Variants in NIN observed in about 807,000 individuals in gnomAD.
NIN encodes the protein ninein.
NIN carries 137 observed loss-of-function variants against 257.6 expected under a neutral mutation model. The observed-to-expected ratio is 0.53, with a 90% CI of 0.46 to 0.61. NIN has a LOEUF of 0.61. Among genes scored for constraint, NIN ranks in the 20% least tolerant of loss-of-function variants. NIN has a pLI of 0.00. For missense variants in NIN, 2,439 were observed against 2,501.2 expected, an observed-to-expected ratio of 0.98 and a Z score of 0.53; for synonymous variants, 918 against 919.8, an observed-to-expected ratio of 1.00 and a Z score of 0.04.
chr14:50,769,596 G>T (rs537840410), intron 12 of NIN, among the ~76,000 whole-genome samples: 1 of 152,202 alleles, frequency 6.6e-6, no homozygotes, highest in East Asian at 1.9e-4. Flanking sequence ...TGCCTCCCAG[G>T]TTCAAGCAAT....
chr14:50,729,481 A>T (rs774256126), intron 29 of NIN, 42 bp downstream of exon 29: 49 of 1,561,200 alleles, frequency 3.1e-5, no homozygotes, highest in Non-Finnish European at 4.2e-5. Flanking sequence ...ATAAACAGGT[A>T]AAATTAACAG....
In NIN at chr14:50,756,686, C is replaced by A; in HGVS notation, c.4344G>T (p.Gln1448His). 1.9e-6 allele frequency: 3 copies of A among 1,551,738 alleles called. No homozygotes were observed. The highest frequency in any genetic ancestry group is 2.6e-6 in the Non-Finnish European group (3 of 1,147,022). ...LGFQDKHFQH[Q>H]ATIAELELEK... ...CCAGTTCTAACTCTGCTATGGTGGC[C>A]TGATGCTGAAAATGTTTGTCTTGAA... is the stretch of plus-strand genomic sequence containing the variant. The change falls in exon 18 of 31, where the codon CAG becomes CAT. Residue 1448 changes from glutamine to histidine, a missense_variant. Physicochemically the swap from Gln to His is conservative, Grantham distance 24. Transcript: ENST00000530997.
rs2042085514 is a variant in NIN at position 50,757,543 on chromosome 14, CA to C, written c.3486del (p.Val1163PhefsTer8). The C allele has an allele frequency of 3.1e-6, 5 of 1,613,998 alleles. No individual in the cohort carries two copies. Among genetic ancestry groups the C allele is most frequent in the Non-Finnish European group, 4.2e-6 (5 of 1,180,034 alleles). ...VRDLGSTGTS[S>X]VQRQEVKIEE... is the part of the protein sequence containing the mutation. ...TCTATTTTGACTTCCTGTCTCTGAACAGAGCTCGTCCCTGTACTTCCCAGGT... is the reference window on the plus strand; with the variant it reads ...TCTATTTTGACTTCCTGTCTCTGAACGAGCTCGTCCCTGTACTTCCCAGGT... On this transcript the variant is annotated frameshift_variant, in exon 18 of 31. Coordinates refer to ENST00000530997, the MANE Select transcript of NIN (RefSeq NM_020921.4). LOFTEE classifies it high-confidence loss of function.
Position 50,739,498 on chromosome 14 carries a change from T to C in NIN, c.5449-11A>G, listed in dbSNP as rs374567937. On this transcript the variant is annotated splice_polypyrimidine_tract_variant and intron_variant, in intron 25 of 30. Transcript: ENST00000530997. ...CTCTGGGGCCCAGCTCTTAAGAGAATTGCAGAGTGTAAGCCTTAAAAACAA... is the reference window on the plus strand; with the variant it reads ...CTCTGGGGCCCAGCTCTTAAGAGAACTGCAGAGTGTAAGCCTTAAAAACAA... 4 of 1,613,580 alleles carry C rather than the reference T, an allele frequency of 2.5e-6. No homozygotes were observed. The highest frequency in any genetic ancestry group is 2.2e-5 in the East Asian group (1 of 44,904).
chr14:50,819,251 A>G (rs7145661), intron 3 of NIN, among the ~76,000 whole-genome samples: 35,356 of 152,136 alleles, frequency 0.23, 4,406 homozygotes, highest in East Asian at 0.33. Flanking sequence ...TGTAGTTTAC[A>G]GTAAATGTAA....
chr14:50,747,968 C>A, intron 22 of NIN, 24 bp downstream of exon 22: 1 of 1,485,452 alleles, frequency 6.7e-7, no homozygotes. Context: ...TCTGTGAACC[C>A]CCCTTAGCTG....
chr14:50,752,458 C>T, intron 21 of NIN, 60 bp downstream of exon 21: 2 of 1,289,844 alleles, frequency 1.6e-6, no homozygotes, highest in Non-Finnish European at 2.2e-6. Context: ...TTAATACAAA[C>T]ATTTCTTCTA....
At chr14:50,751,608 G>C (rs1465183264) in intron 21 of NIN, among the ~76,000 whole-genome samples, 1 of 152,122 alleles carries the variant, frequency 6.6e-6, no homozygotes, top group African/African-American at 2.4e-5. Context: ...CCAGGCTAGA[G>C]TGTAGTGGTA....
intron 4 of NIN, 24 bp from the exon 5 acceptor site, chr14:50,792,905 G>A: frequency 6.2e-7 from 1 of 1,612,628 alleles, no homozygotes; most frequent in South Asian, 1.1e-5. Context: ...CAAGAGTTGA[G>A]GCCACATGAC....
intron 9 of NIN, 26 bp downstream of exon 9, chr14:50,772,275 A>AT (rs2042767083): frequency 6.4e-7 from 1 of 1,558,940 alleles, no homozygotes; most frequent in African/African-American, 1.4e-5. Context: ...CCAGTTTGTC[A>AT]TTTTTCTCAA....
At chr14:50,800,504 T>C (rs12885196) in intron 4 of NIN, among the ~76,000 whole-genome samples, 4,931 of 152,320 alleles carry the variant, frequency 0.032, 123 homozygotes, top group Middle Eastern at 0.051. Context: ...TATATATTTT[T>C]TCACTACTTT....
chr14:50,731,816 C>T (rs1185932041), intron 28 of NIN, among the ~76,000 whole-genome samples: 1 of 152,134 alleles, frequency 6.6e-6, no homozygotes, highest in African/African-American at 2.4e-5. Flanking sequence ...CAGAGCGAGA[C>T]TCCGTTTAAA....
At chr14:50,789,140 C>T (rs1247533044) in intron 5 of NIN, among the ~76,000 whole-genome samples, 2 of 152,140 alleles carry the variant, frequency 1.3e-5, no homozygotes, top group African/African-American at 2.4e-5. Context: ...AGACTCGGCC[C>T]CAGTCCCTCT....
intron 21 of NIN, among the ~76,000 whole-genome samples, chr14:50,751,151 C>A (rs1374742712): frequency 6.6e-6 from 1 of 152,134 alleles, no homozygotes; most frequent in African/African-American, 2.4e-5. Context: ...ATAACCCCCA[C>A]ATGTATTCAC....
At chr14:50,809,236 A>G (rs73299312) in intron 3 of NIN, among the ~76,000 whole-genome samples, 3,590 of 152,200 alleles carry the variant, frequency 0.024, 172 homozygotes, top group African/African-American at 0.082. Context: ...GAAAAGAAAA[A>G]AAGAATCAGG....
chr14:50,722,890 A>AG lies in NIN; in HGVS notation c.*572dup, dbSNP rs1179302855. 4.7e-6 allele frequency: 1 copy of AG among 213,886 alleles called. No individual in the cohort carries two copies. The highest frequency in any genetic ancestry group is 9.4e-6 in the Non-Finnish European group (1 of 105,826). 13.2% of individuals were successfully genotyped at this position (213,886 alleles called of 1,614,324 possible). ...TGGTAATACTGTCACAGGTGTTAGA[A>AG]GGTTAGAATTCTACAGATTTGGGTT... On this transcript the variant is annotated 3_prime_UTR_variant, in exon 31 of 31. Coordinates refer to ENST00000530997, the MANE Select transcript of NIN (RefSeq NM_020921.4).
At position 50,754,873 on chromosome 14, in the gene NIN, G is replaced by A. The variant is rs1267112313; in HGVS notation, c.4539-6C>T. The A allele has an allele frequency of 5.2e-6, 8 of 1,539,272 alleles. No homozygotes were observed. In the Admixed American group the frequency reaches 1.4e-4, roughly 27 times the overall value. Reference sequence around the variant, plus strand: ...GAAGCTTTTCAGATTCATATCTGAAGCACAGAGATTGAAAAAAATTGTTAC... The same window carrying A: ...GAAGCTTTTCAGATTCATATCTGAAACACAGAGATTGAAAAAAATTGTTAC... On this transcript the variant is annotated splice_polypyrimidine_tract_variant and splice_region_variant and intron_variant, in intron 18 of 30. Coordinates refer to ENST00000530997, the MANE Select transcript of NIN (RefSeq NM_020921.4).
chr14:50,828,412 T>A (rs1171109337), intron 2 of NIN, among the ~76,000 whole-genome samples: 1 of 152,232 alleles, frequency 6.6e-6, no homozygotes, highest in Non-Finnish European at 1.5e-5. Context: ...TCTCATAATC[T>A]TTTCAAAATT....
In NIN at chr14:50,797,941, G is replaced by A. The variant is rs115030342; in HGVS notation, c.266-5060C>T. Among the ~76,000 whole-genome samples the A allele has an allele frequency of 6.3e-3, 952 of 151,560 alleles. 10 individuals carry two copies. Among genetic ancestry groups the A allele is most frequent in the African/African-American group, 0.022 (903 of 41,252 alleles). On this transcript the variant is annotated intron_variant, in intron 4 of 30. Transcript: ENST00000530997. ...AAGAGTGGAGTGGGAGACTGAGGAG[G>A]AGGAGGGGAGAGATGAGCTGGGGTG...
Sources: gnomAD v4.1 joint callset for allele counts (sites outside exome capture counted in the v4.1 genomes callset) on GRCh38, gnomAD v4.1.1 for gene constraint, MANE v1.5 for transcripts, NCBI Gene and HGNC (gene_info 2026-07-23, HGNC 2026-07-21) for gene names.